Variants in HMGCLL1 observed in about 807,000 individuals in gnomAD.
HMGCLL1 encodes the protein 3-hydroxymethyl-3-methylglutaryl-CoA lyase, cytoplasmic.
In HMGCLL1, 36 loss-of-function variants were observed where a neutral mutation model predicts 39.1. That is an observed-to-expected ratio of 0.92 (90% confidence interval 0.71 to 1.22). The LOEUF is 1.22. Among genes scored for constraint, HMGCLL1 ranks in the 50% most tolerant of loss-of-function variants. The pLI is 0.00. For missense variants in HMGCLL1, 451 were observed against 416.5 expected (o/e 1.08, Z -0.72); for synonymous variants, 149 against 144.0 (o/e 1.03, Z -0.25).
the HMGCLL1 span, among the ~76,000 whole-genome samples, chr6:55,603,753 CA>C: frequency 2.0e-5 from 3 of 151,996 alleles, no homozygotes. Flanking sequence ...CTGAAAAAAC[CA>C]AAGTTATATA....
At chr6:55,530,592 C>T (rs916274446) in intron 3 of HMGCLL1, among the ~76,000 whole-genome samples, 2 of 151,906 alleles carry the variant, frequency 1.3e-5, no homozygotes, top group Admixed American at 6.6e-5. Flanking sequence ...AAATAAAAAA[C>T]GTATATTCTT....
At position 55,456,642 on chromosome 6, in the gene HMGCLL1, C is replaced by G. The variant is rs530101182; in HGVS notation, c.796-17083G>C. On this transcript the variant is annotated intron_variant, in intron 7 of 8. Transcript: ENST00000274901. ...TAGGAAGAAGTCATAATATTTCCCA[C>G]TAACAGCTTTGGGTGGTATCTCAAG... Among the ~76,000 whole-genome samples the G allele has an allele frequency of 2.0e-5, 3 of 152,282 alleles. No homozygotes were observed. The South Asian group carries it at 6.2e-4, about 32-fold the overall frequency.
At chr6:55,463,155 C>T (rs375399800) in intron 7 of HMGCLL1, among the ~76,000 whole-genome samples, 2 of 151,770 alleles carry the variant, frequency 1.3e-5, no homozygotes, top group African/African-American at 2.4e-5. Context: ...CTCAACCTCC[C>T]GAGTAGCTGG....
chr6:55,633,211 T>A, the HMGCLL1 span, among the ~76,000 whole-genome samples: 2 of 152,004 alleles, frequency 1.3e-5, no homozygotes, highest in Non-Finnish European at 2.9e-5. Flanking sequence ...GGAACTTACA[T>A]GAACTTTTGT....
chr6:55,590,797 T>G, the HMGCLL1 span, among the ~76,000 whole-genome samples: 1 of 151,974 alleles, frequency 6.6e-6, no homozygotes, highest in African/African-American at 2.4e-5. Flanking sequence ...TATTTTGAAA[T>G]TCAGCTTTAG....
chr6:55,495,624 A>C lies in HMGCLL1; in HGVS notation c.607-17T>G. On this transcript the variant is annotated splice_polypyrimidine_tract_variant and intron_variant, in intron 6 of 8. Coordinates refer to ENST00000274901, the MANE Select transcript of HMGCLL1 (RefSeq NM_001042406.2). ...CTTAGACACCTGTTGATAAAGGTGA[A>C]GTGCTAGTAAAATAATGGAAATGAA... The C allele has an allele frequency of 6.5e-7, 1 of 1,547,934 alleles. No individual in the cohort carries two copies. Among genetic ancestry groups the C allele is most frequent in the Non-Finnish European group, 8.7e-7 (1 of 1,145,988 alleles).
chr6:55,658,488 G>A, the HMGCLL1 span, among the ~76,000 whole-genome samples: 22 of 151,948 alleles, frequency 1.4e-4, no homozygotes, highest in African/African-American at 4.8e-4. Context: ...TGTCAACTTG[G>A]GCACAGAATT....
At chr6:55,572,235 G>C (rs1019885224) in intron 1 of HMGCLL1, among the ~76,000 whole-genome samples, 11 of 152,002 alleles carry the variant, frequency 7.2e-5, no homozygotes, top group Non-Finnish European at 1.3e-4. Flanking sequence ...CAAAAGATAA[G>C]ATTGAAAAGA....
chr6:55,563,839 G>A, intron 1 of HMGCLL1: 2 of 1,277,280 alleles, frequency 1.6e-6, no homozygotes, highest in Non-Finnish European at 2.0e-6. Flanking sequence ...AGAGGGAGAG[G>A]TGCCCTCAAA....
intron 7 of HMGCLL1, among the ~76,000 whole-genome samples, chr6:55,447,759 A>G (rs1763917996): frequency 6.6e-6 from 1 of 152,084 alleles, no homozygotes; most frequent in African/African-American, 2.4e-5. Context: ...TGCCCATTTT[A>G]CTCATGAGTA....
chr6:55,494,217 T>G (rs1163971518), intron 7 of HMGCLL1, among the ~76,000 whole-genome samples: 1 of 152,166 alleles, frequency 6.6e-6, no homozygotes, highest in East Asian at 1.9e-4. Flanking sequence ...CCCTTTATCC[T>G]GAAGACCTAA....
the HMGCLL1 span, among the ~76,000 whole-genome samples, chr6:55,650,715 T>A: frequency 6.6e-6 from 1 of 152,040 alleles, no homozygotes; most frequent in Admixed American, 6.6e-5. Flanking sequence ...TATCTGATGT[T>A]CTATTCTACT....
At chr6:55,495,172 T>C (rs1330983666) in intron 7 of HMGCLL1, among the ~76,000 whole-genome samples, 4 of 152,228 alleles carry the variant, frequency 2.6e-5, no homozygotes, top group Non-Finnish European at 4.4e-5. Context: ...CTAAGATTAA[T>C]ACTTTTCAAA....
chr6:55,514,319 TA>T (rs1418477074), intron 4 of HMGCLL1, 123 bp from the exon 5 acceptor site: 5 of 648,804 alleles, frequency 7.7e-6, no homozygotes, highest in Non-Finnish European at 1.0e-5. Context: ...CCTTAGAATT[TA>T]AAATTGGATT....
At chr6:55,662,680 T>A in the HMGCLL1 span, among the ~76,000 whole-genome samples, 1 of 151,848 alleles carries the variant, frequency 6.6e-6, no homozygotes, top group Non-Finnish European at 1.5e-5. Flanking sequence ...GGTATCAGGA[T>A]GATGATGGCC....
chr6:55,603,585 G>C, the HMGCLL1 span, among the ~76,000 whole-genome samples: 1 of 152,038 alleles, frequency 6.6e-6, no homozygotes, highest in Admixed American at 6.6e-5. Context: ...GAGGATTTGG[G>C]AAACAGAAAA....
intron 1 of HMGCLL1, among the ~76,000 whole-genome samples, chr6:55,572,340 T>C (rs571397336): frequency 2.0e-5 from 3 of 152,236 alleles, no homozygotes; most frequent in Admixed American, 1.3e-4. Context: ...TAAAATATTA[T>C]AAAGGAAGTA....
chr6:55,663,279 T>C, the HMGCLL1 span, among the ~76,000 whole-genome samples: 1 of 150,050 alleles, frequency 6.7e-6, no homozygotes, highest in African/African-American at 2.4e-5. Flanking sequence ...CAATGTTAGG[T>C]TGTTGATTTG....
At chr6:55,561,694 A>C (rs1475097221) in intron 1 of HMGCLL1, among the ~76,000 whole-genome samples, 2 of 152,164 alleles carry the variant, frequency 1.3e-5, no homozygotes, top group Non-Finnish European at 2.9e-5. Flanking sequence ...ATTGATTTGA[A>C]CAACTCTTCT....
Sources: allele counts gnomAD v4.1 joint callset (sites outside exome capture counted in the v4.1 genomes callset), GRCh38; gene constraint gnomAD v4.1.1; transcripts MANE v1.5; gene names NCBI Gene and HGNC (gene_info 2026-07-23, HGNC 2026-07-21).